Variants in PTPRM observed in about 807,000 individuals in gnomAD.
The protein encoded by PTPRM is receptor-type tyrosine-protein phosphatase mu.
Under a neutral mutation model 186.7 loss-of-function variants are expected in PTPRM, and 47 were observed. The observed-to-expected ratio is 0.25, with a 90% CI of 0.20 to 0.32. PTPRM has a LOEUF of 0.32. Among genes scored for constraint, PTPRM ranks in the 10% least tolerant of loss-of-function variants. PTPRM has a pLI of 1.00. For missense variants in PTPRM, 1,494 were observed against 1,865.0 expected (o/e 0.80, Z 3.66); for synonymous variants, 668 against 674.9 (o/e 0.99, Z 0.16).
chr18:8,176,205 TAGAG>T lies in PTPRM; in HGVS notation c.2300+32447_2300+32450del, dbSNP rs3046337. Among the ~76,000 whole-genome samples, 695 of 149,064 alleles carry T rather than the reference TAGAG, an allele frequency of 4.7e-3. 3 individuals are homozygous for T. The highest frequency in any genetic ancestry group is 0.014 in the Middle Eastern group (4 of 292). ...AATTGCTTGTTGTATGGCAGTATAA[TAGAG>T]AGAGAGAGAGAGAGAGAGAGTACAG... On this transcript the variant is annotated intron_variant, in intron 14 of 32. Coordinates refer to ENST00000580170, the MANE Select transcript of PTPRM (RefSeq NM_001105244.2).
intron 1 of PTPRM, among the ~76,000 whole-genome samples, chr18:7,604,258 G>C (rs888084432): frequency 3.9e-5 from 6 of 152,176 alleles, no homozygotes; most frequent in Non-Finnish European, 8.8e-5. Flanking sequence ...CCAGATTTAG[G>C]ATCTGGAGGG....
chr18:7,885,678 A>G (rs73941025), intron 2 of PTPRM, among the ~76,000 whole-genome samples: 17,012 of 152,174 alleles, frequency 0.11, 1,598 homozygotes, highest in African/African-American at 0.26. Flanking sequence ...GGAGGAGAAA[A>G]GACTATAAAA....
intron 1 of PTPRM, among the ~76,000 whole-genome samples, chr18:7,677,628 T>C (rs2039376147): frequency 1.3e-5 from 2 of 152,176 alleles, no homozygotes; most frequent in Admixed American, 1.3e-4. Context: ...CTCATTTCCC[T>C]GAGTGGCATG....
chr18:8,369,976 A>G (rs1225102223), intron 23 of PTPRM, among the ~76,000 whole-genome samples: 1 of 152,114 alleles, frequency 6.6e-6, no homozygotes, highest in Non-Finnish European at 1.5e-5. Flanking sequence ...ACAAAAACAA[A>G]TAAAAAACAT....
chr18:8,144,093 T>C (rs1415291464), intron 14 of PTPRM, among the ~76,000 whole-genome samples: 1 of 152,214 alleles, frequency 6.6e-6, no homozygotes, highest in Non-Finnish European at 1.5e-5. Context: ...TGTTTAGTAC[T>C]GATTTCCAAC....
At chr18:7,750,192 C>T (rs1212683253) in intron 1 of PTPRM, among the ~76,000 whole-genome samples, 1 of 152,052 alleles carries the variant, frequency 6.6e-6, no homozygotes, top group Non-Finnish European at 1.5e-5. Flanking sequence ...AAAGGAAATA[C>T]CATGGTTTAA....
intron 3 of PTPRM, among the ~76,000 whole-genome samples, chr18:7,902,224 G>T (rs1025147294): frequency 6.6e-6 from 1 of 152,192 alleles, no homozygotes; most frequent in African/African-American, 2.4e-5. Context: ...GTAATCAGCT[G>T]CTGTCCTTCT....
At chr18:7,984,001 C>T (rs778633012) in intron 7 of PTPRM, among the ~76,000 whole-genome samples, 12 of 152,268 alleles carry the variant, frequency 7.9e-5, no homozygotes, top group Non-Finnish European at 1.3e-4. Context: ...ATACTGTTCA[C>T]TTGATGAATG....
intron 1 of PTPRM, among the ~76,000 whole-genome samples, chr18:7,656,460 G>C (rs527755490): frequency 2.0e-5 from 3 of 152,280 alleles, no homozygotes; most frequent in Non-Finnish European, 4.4e-5. Flanking sequence ...TTATGTAATG[G>C]GGATGGTGTT....
chr18:7,579,638 A>C (rs2036791184), intron 1 of PTPRM, among the ~76,000 whole-genome samples: 1 of 152,234 alleles, frequency 6.6e-6, no homozygotes, highest in Non-Finnish European at 1.5e-5. Context: ...GAATGTTTAG[A>C]ATATAGTGAA....
At chr18:7,762,377 G>A (rs1361418430) in intron 1 of PTPRM, among the ~76,000 whole-genome samples, 1 of 152,050 alleles carries the variant, frequency 6.6e-6, no homozygotes, top group Non-Finnish European at 1.5e-5. Flanking sequence ...ATGAGCATAG[G>A]GGTAGCATAT....
chr18:7,777,232 T>C (rs1026217133), intron 2 of PTPRM, among the ~76,000 whole-genome samples: 1 of 152,212 alleles, frequency 6.6e-6, no homozygotes, highest in Non-Finnish European at 1.5e-5. Context: ...CGTAACACTT[T>C]AGAGACCAAG....
chr18:7,697,626 C>A (rs1015393317), intron 1 of PTPRM, among the ~76,000 whole-genome samples: 2 of 152,180 alleles, frequency 1.3e-5, no homozygotes, highest in African/African-American at 4.8e-5. Flanking sequence ...CTTAAGGCAG[C>A]GAGGTGATCC....
At chr18:7,736,288 A>C (rs2040769619) in intron 1 of PTPRM, among the ~76,000 whole-genome samples, 1 of 152,150 alleles carries the variant, frequency 6.6e-6, no homozygotes, top group Admixed American at 6.6e-5. Flanking sequence ...AGTTTTCATA[A>C]ATGCCAAACT....
chr18:8,040,726 C>A (rs2086639833), intron 7 of PTPRM, among the ~76,000 whole-genome samples: 1 of 152,096 alleles, frequency 6.6e-6, no homozygotes, highest in Non-Finnish European at 1.5e-5. Context: ...CATTCTGGAC[C>A]TGGATGCACT....
chr18:7,922,248 C>A (rs546963653), intron 4 of PTPRM, among the ~76,000 whole-genome samples: 21 of 152,324 alleles, frequency 1.4e-4, no homozygotes, highest in Admixed American at 9.8e-4. Context: ...GAACAATTCT[C>A]CTACAGTGAG....
chr18:8,178,510 A>G (rs1439032005), intron 14 of PTPRM, among the ~76,000 whole-genome samples: 1 of 152,162 alleles, frequency 6.6e-6, no homozygotes, highest in African/African-American at 2.4e-5. Flanking sequence ...TGGGCTGGGC[A>G]CGGTGGCTCA....
At chr18:8,281,044 T>G (rs564702869) in intron 19 of PTPRM, among the ~76,000 whole-genome samples, 8 of 152,264 alleles carry the variant, frequency 5.3e-5, no homozygotes, top group African/African-American at 1.9e-4. Context: ...ATGGAAAAGA[T>G]AGATTTGAGC....
intron 6 of PTPRM, among the ~76,000 whole-genome samples, chr18:7,951,727 T>C (rs762777469): frequency 6.6e-6 from 1 of 152,242 alleles, no homozygotes; most frequent in Non-Finnish European, 1.5e-5. Flanking sequence ...CCATATTTTG[T>C]ATATAGATAT....
Sources: gnomAD v4.1 joint callset for allele counts (sites outside exome capture counted in the v4.1 genomes callset) on GRCh38, gnomAD v4.1.1 for gene constraint, MANE v1.5 for transcripts, NCBI Gene and HGNC (gene_info 2026-07-23, HGNC 2026-07-21) for gene names.